Variants in URGCP observed in about 807,000 individuals in gnomAD.
URGCP encodes upregulator of cell proliferation.
URGCP carries 13 observed loss-of-function variants against 24.6 expected under a neutral mutation model. That is an observed-to-expected ratio of 0.53 (90% CI 0.34 to 0.84). The LOEUF (loss-of-function observed/expected upper bound fraction) is 0.84. URGCP is among the 40% of genes least tolerant of loss of function. URGCP has a pLI of 0.01. For missense variants in URGCP, 899 were observed against 1,194.3 expected (o/e 0.75, Z 3.64); for synonymous variants, 444 against 487.2 (o/e 0.91, Z 1.17).
chr7:43,926,605 G>C, upstream of URGCP: 1 of 1,528,866 alleles, frequency 6.5e-7, no homozygotes, highest in Non-Finnish European at 8.8e-7. Flanking sequence ...AAGCGTCGAG[G>C]TGTGGGCGGG....
Position 43,877,538 on chromosome 7 carries a change from C to T in URGCP, c.1925G>A (p.Arg642His), listed in dbSNP as rs761170285. Residue 642 changes from arginine to histidine, a missense_variant, in exon 6 of 6, where the codon CGT (arginine) becomes CAT (histidine). Physicochemically the swap from Arg to His is conservative, Grantham distance 29. Transcript: ENST00000453200. ...GGCCAAGCCTGGGAAGTGGGCAAAA[C>T]GCCTCTGGCCTGCCGGCAGCCTCCC... ...EAGRLPAGQR[R>H]FAHFPGLASE... is the part of the protein sequence containing the mutation. 1.4e-5 allele frequency: 23 copies of T among 1,613,078 alleles called. No homozygotes were observed. Among genetic ancestry groups the T allele is most frequent in the Middle Eastern group, 1.6e-4 (1 of 6,084 alleles).
intron 1 of URGCP, 127 bp downstream of exon 1, chr7:43,906,435 C>T (rs534241763): frequency 0.024 from 24,246 of 1,000,488 alleles, 373 homozygotes; most frequent in Non-Finnish European, 0.026. Context: ...GCCTGGCGGG[C>T]GGGGGCGCCC....
At chr7:43,923,132 C>T (rs1008386464) in intron 1 of URGCP, among the ~76,000 whole-genome samples, 2 of 151,972 alleles carry the variant, frequency 1.3e-5, no homozygotes, top group Admixed American at 6.6e-5. Flanking sequence ...TACAGGCATG[C>T]ACCACCATGC....
At chr7:43,896,412 G>A (rs944379709) in intron 1 of URGCP, among the ~76,000 whole-genome samples, 9 of 146,670 alleles carry the variant, frequency 6.1e-5, no homozygotes, top group African/African-American at 1.3e-4. Context: ...CCAAGATTGC[G>A]CCACGACAAT....
intron 1 of URGCP, among the ~76,000 whole-genome samples, chr7:43,920,685 T>C (rs1240096495): frequency 2.0e-5 from 3 of 152,236 alleles, no homozygotes; most frequent in Non-Finnish European, 2.9e-5. Context: ...TTTGTCTTGC[T>C]ACCCTTAATG....
chr7:43,918,305 C>T (rs2095917722), intron 1 of URGCP, among the ~76,000 whole-genome samples: 1 of 150,948 alleles, frequency 6.6e-6, no homozygotes, highest in Non-Finnish European at 1.5e-5. Context: ...GATTTCCTTT[C>T]CCTTTCCTTT....
At chr7:43,884,365 T>C (rs2095859033) in intron 3 of URGCP, among the ~76,000 whole-genome samples, 1 of 152,202 alleles carries the variant, frequency 6.6e-6, no homozygotes, top group African/African-American at 2.4e-5. Flanking sequence ...GTCTCCACTA[T>C]ACTTCACATT....
At chr7:43,912,542 T>C (rs1456519370) in intron 1 of URGCP, among the ~76,000 whole-genome samples, 1 of 152,138 alleles carries the variant, frequency 6.6e-6, no homozygotes, top group Non-Finnish European at 1.5e-5. Context: ...TAAAACTGTT[T>C]TGGCTGTTCA....
chr7:43,924,360 C>T (rs768862196), intron 1 of URGCP, among the ~76,000 whole-genome samples: 2 of 152,178 alleles, frequency 1.3e-5, no homozygotes, highest in South Asian at 2.1e-4. Flanking sequence ...TGCAAATTCT[C>T]TGTAGAAATT....
upstream of URGCP, among the ~76,000 whole-genome samples, chr7:43,926,710 A>G (rs1328086936): frequency 6.6e-6 from 1 of 152,106 alleles, no homozygotes; most frequent in Non-Finnish European, 1.5e-5. Flanking sequence ...GCGCAGCCTG[A>G]AAAGCGAACG....
In URGCP at chr7:43,877,901, G is replaced by T; in HGVS notation, c.1562C>A (p.Pro521His). Residue 521 changes from proline (P) to histidine (H), a missense_variant, in exon 6 of 6, where the codon CCT (proline) becomes CAT (histidine). Pro to His is a moderately conservative substitution (Grantham distance 77). Coordinates refer to ENST00000453200, the MANE Select transcript of URGCP (RefSeq NM_001077663.3). ...CCTCAGCTCAGCCCTGTGCTTCTCA[G>T]GGGGGTCCACGGCCCACTGGAGCTG... ...FCQLQWAVDP[P>H]EKHRAELRRR... The T allele has an allele frequency of 6.2e-7, 1 of 1,613,752 alleles. No homozygotes were observed. The highest frequency in any genetic ancestry group is 2.2e-5 in the East Asian group (1 of 44,870).
intron 1 of URGCP, among the ~76,000 whole-genome samples, chr7:43,900,469 CAAAAAAAAA>C: frequency 8.7e-6 from 1 of 114,494 alleles, no homozygotes; most frequent in African/African-American, 3.4e-5. Flanking sequence ...AAAACCAAAA[CAAAAAAAAA>C]AAAAAAAAGA....
At chr7:43,918,580 C>A in intron 1 of URGCP, 3 of 429,336 alleles carry the variant, frequency 7.0e-6, no homozygotes, top group Non-Finnish European at 1.3e-5. Flanking sequence ...CACACCCAGA[C>A]CCCAAAATAG....
chr7:43,922,049 T>C (rs889360516), intron 1 of URGCP, among the ~76,000 whole-genome samples: 1 of 151,952 alleles, frequency 6.6e-6, no homozygotes, highest in Non-Finnish European at 1.5e-5. Flanking sequence ...CAGGCCACCA[T>C]GCCCAGCTAA....
intron 1 of URGCP, among the ~76,000 whole-genome samples, chr7:43,922,829 C>T (rs1385552021): frequency 6.6e-6 from 1 of 152,054 alleles, no homozygotes; most frequent in East Asian, 1.9e-4. Flanking sequence ...GATCCTCCCA[C>T]CACAGTCACC....
intron 1 of URGCP, among the ~76,000 whole-genome samples, chr7:43,904,136 G>A (rs1282260135): frequency 6.6e-6 from 1 of 152,206 alleles, no homozygotes; most frequent in African/African-American, 2.4e-5. Context: ...CCTTCAGCGA[G>A]TGGTGGGCAG....
chr7:43,916,990 C>G (rs2095916340), intron 1 of URGCP, among the ~76,000 whole-genome samples: 1 of 152,164 alleles, frequency 6.6e-6, no homozygotes, highest in Admixed American at 6.5e-5. Flanking sequence ...CCTCTGTCCT[C>G]TCTTTACAGA....
intron 1 of URGCP, among the ~76,000 whole-genome samples, chr7:43,890,366 G>T (rs957714223): frequency 6.7e-6 from 1 of 150,274 alleles, no homozygotes; most frequent in East Asian, 2.0e-4. Context: ...AGGCGCCCAC[G>T]ACCACGCCCG....
chr7:43,916,199 C>T lies in URGCP; in HGVS notation c.-116+9933G>A, dbSNP rs945993142. ...GGTGCAAAAGTAGTTGCAGTTTTTG[C>T]TATTACTTAGAACGGCGAGGACTGT... On this transcript the variant is annotated intron_variant, in intron 1 of 5. Coordinates refer to the URGCP transcript ENST00000426198. Among the ~76,000 whole-genome samples the T allele has an allele frequency of 3.3e-5, 5 of 152,268 alleles. No homozygotes were observed. In the South Asian group the frequency reaches 8.3e-4, roughly 25 times the overall value.
Sources: allele counts gnomAD v4.1 joint callset (sites outside exome capture counted in the v4.1 genomes callset), GRCh38; gene constraint gnomAD v4.1.1; transcripts MANE v1.5; gene names NCBI Gene and HGNC (gene_info 2026-07-23, HGNC 2026-07-21).